Variants in TOX observed in about 807,000 individuals in gnomAD.
TOX encodes the protein thymocyte selection associated high mobility group box, also known as thymocyte selection-associated high mobility group box protein TOX.
Under a neutral mutation model 53.7 loss-of-function variants are expected in TOX, and 11 were observed. The observed-to-expected ratio is 0.20, with a 90% CI of 0.13 to 0.34. The LOEUF (loss-of-function observed/expected upper bound fraction) is 0.34, where lower values mean the gene tolerates loss of function less well. TOX is among the 10% of genes least tolerant of loss of function. TOX has a pLI of 1.00. For missense variants in TOX, 570 were observed against 664.6 expected (o/e 0.86, Z 1.56); for synonymous variants, 225 against 245.3 (o/e 0.92, Z 0.77).
chr8:59,025,987 G>A (rs576915809), intron 1 of TOX, among the ~76,000 whole-genome samples: 113 of 152,182 alleles, frequency 7.4e-4, no homozygotes, highest in Non-Finnish European at 1.3e-3. Context: ...CCACGTGAGT[G>A]TAAACACACA....
At chr8:59,085,358 A>T (rs796438530) in intron 1 of TOX, among the ~76,000 whole-genome samples, 4 of 152,026 alleles carry the variant, frequency 2.6e-5, no homozygotes, top group African/African-American at 9.7e-5. Context: ...ATGCCAAACC[A>T]CCAATCTGAA....
intron 1 of TOX, among the ~76,000 whole-genome samples, chr8:58,983,250 C>T (rs1813234185): frequency 6.6e-6 from 1 of 152,080 alleles, no homozygotes; most frequent in African/African-American, 2.4e-5. Flanking sequence ...TGGTGGTTTC[C>T]ACACATGACA....
chr8:58,820,523 T>G (rs1391248202), intron 6 of TOX, among the ~76,000 whole-genome samples: 1 of 152,240 alleles, frequency 6.6e-6, no homozygotes, highest in Non-Finnish European at 1.5e-5. Flanking sequence ...GCTTCCCTAC[T>G]GGAATTCTCT....
chr8:59,036,157 A>G (rs1408154525), intron 1 of TOX, among the ~76,000 whole-genome samples: 2 of 152,230 alleles, frequency 1.3e-5, no homozygotes, highest in Non-Finnish European at 2.9e-5. Context: ...AGGGGATATT[A>G]GAAAAGCTTC....
intron 1 of TOX, among the ~76,000 whole-genome samples, chr8:58,981,897 T>C (rs1439634682): frequency 6.6e-6 from 1 of 152,170 alleles, no homozygotes; most frequent in Non-Finnish European, 1.5e-5. Flanking sequence ...ATCTGTCATT[T>C]CTCATCTTTC....
At chr8:58,956,303 C>T (rs886960962) in intron 2 of TOX, among the ~76,000 whole-genome samples, 2 of 152,110 alleles carry the variant, frequency 1.3e-5, no homozygotes, top group African/African-American at 4.8e-5. Context: ...TAAGAGAACC[C>T]CATAGCATGC....
At chr8:58,890,642 A>G (rs1027824450) in intron 3 of TOX, among the ~76,000 whole-genome samples, 1 of 152,178 alleles carries the variant, frequency 6.6e-6, no homozygotes, top group Admixed American at 6.5e-5. Flanking sequence ...AGGCATTGGT[A>G]GGTAGAAGCG....
rs568336627 is a variant in TOX at position 59,042,155 on chromosome 8, C to T, written c.102+76731G>A. Among the ~76,000 whole-genome samples the T allele has an allele frequency of 4.6e-5, 7 of 152,222 alleles. No individual in the cohort carries two copies. In the East Asian group the frequency reaches 7.7e-4, roughly 17 times the overall value. On this transcript the variant is annotated intron_variant, in intron 1 of 8. Coordinates refer to ENST00000361421, the MANE Select transcript of TOX (RefSeq NM_014729.3). ...CTGATCGCTACATAGTAAAGGGTTA[C>T]GAGCCAAAAAAATCCAAGATTACGG...
At chr8:59,054,751 C>A (rs1803858408) in intron 1 of TOX, among the ~76,000 whole-genome samples, 1 of 150,070 alleles carries the variant, frequency 6.7e-6, no homozygotes. Flanking sequence ...CAAGTACCAA[C>A]AGCCACCACA....
At chr8:58,935,319 C>T (rs983552341) in intron 3 of TOX, among the ~76,000 whole-genome samples, 1 of 152,038 alleles carries the variant, frequency 6.6e-6, no homozygotes, top group Non-Finnish European at 1.5e-5. Flanking sequence ...CTTCCTTGAT[C>T]CATTCGAATA....
At chr8:58,847,955 T>A (rs1210904662) in intron 4 of TOX, among the ~76,000 whole-genome samples, 1 of 152,090 alleles carries the variant, frequency 6.6e-6, no homozygotes, top group Non-Finnish European at 1.5e-5. Flanking sequence ...GAAAGAACAT[T>A]TTAAAGGCAT....
intron 1 of TOX, among the ~76,000 whole-genome samples, chr8:58,975,746 G>A (rs1050561957): frequency 6.6e-6 from 1 of 152,122 alleles, no homozygotes; most frequent in African/African-American, 2.4e-5. Flanking sequence ...GGTGGTGGCT[G>A]CTGAAGGCTG....
At chr8:59,044,745 A>T (rs180860064) in intron 1 of TOX, among the ~76,000 whole-genome samples, 103 of 152,340 alleles carry the variant, frequency 6.8e-4, no homozygotes, top group African/African-American at 2.4e-3. Flanking sequence ...ACCTGCGTAA[A>T]GACTGGACAA....
intron 3 of TOX, among the ~76,000 whole-genome samples, chr8:58,934,057 T>C (rs1276949740): frequency 3.9e-5 from 6 of 152,190 alleles, no homozygotes; most frequent in East Asian, 1.9e-4. Flanking sequence ...CTCAGAGGAA[T>C]GTTGAGAAAA....
chr8:59,018,547 T>C (rs1243846247), intron 1 of TOX, among the ~76,000 whole-genome samples: 3 of 152,166 alleles, frequency 2.0e-5, no homozygotes, highest in African/African-American at 4.8e-5. Context: ...AATGTCTCTA[T>C]TGCAAGATTT....
At chr8:59,006,031 G>A (rs905615458) in intron 1 of TOX, among the ~76,000 whole-genome samples, 1 of 152,220 alleles carries the variant, frequency 6.6e-6, no homozygotes, top group Non-Finnish European at 1.5e-5. Context: ...ATCATGTACA[G>A]CACTCCCTGC....
chr8:59,063,194 T>C (rs546853830), intron 1 of TOX, among the ~76,000 whole-genome samples: 1 of 152,246 alleles, frequency 6.6e-6, no homozygotes, highest in African/African-American at 2.4e-5. Context: ...AGAATCTCAA[T>C]CAAACATTGC....
chr8:58,941,987 A>T (rs1812449438), intron 2 of TOX, among the ~76,000 whole-genome samples: 1 of 146,762 alleles, frequency 6.8e-6, no homozygotes. Flanking sequence ...CAGGAAGCGG[A>T]GGTTGCGGTG....
intron 1 of TOX, among the ~76,000 whole-genome samples, chr8:58,990,190 G>C (rs1393720164): frequency 1.3e-5 from 2 of 152,182 alleles, no homozygotes; most frequent in Non-Finnish European, 2.9e-5. Flanking sequence ...GCACAGAGCA[G>C]GTAAAGAATT....
Sources: gnomAD v4.1 joint callset for allele counts (sites outside exome capture counted in the v4.1 genomes callset) on GRCh38, gnomAD v4.1.1 for gene constraint, MANE v1.5 for transcripts, NCBI Gene and HGNC (gene_info 2026-07-23, HGNC 2026-07-21) for gene names.